XKR9: variants seen among roughly 807,000 people sequenced by gnomAD.
The protein encoded by XKR9 is XK related 9, also known as XK-related protein 9.
XKR9 carries 32 observed loss-of-function variants against 32.0 expected under a neutral mutation model. That is an observed-to-expected ratio of 1.00 (90% CI 0.76 to 1.34). XKR9 has a LOEUF of 1.34. Among genes scored for constraint, XKR9 ranks in the 40% most tolerant of loss-of-function variants. XKR9 has a pLI of 0.00. For missense variants in XKR9, 546 were observed against 429.7 expected (o/e 1.27, Z -2.39); for synonymous variants, 168 against 143.4 (o/e 1.17, Z -1.22).
chr8:71,010,674 A>C, the XKR9 span, among the ~76,000 whole-genome samples: 1 of 152,184 alleles, frequency 6.6e-6, no homozygotes, highest in Non-Finnish European at 1.5e-5. Flanking sequence ...GGGGATTGCA[A>C]AGTGGGGGCC....
chr8:70,729,792 A>G (rs1468411006), intron 4 of XKR9, among the ~76,000 whole-genome samples: 2 of 152,166 alleles, frequency 1.3e-5, no homozygotes, highest in Non-Finnish European at 1.5e-5. Context: ...CCTATAACAC[A>G]TTTACACAAA....
chr8:70,745,910 C>G (rs1040813450), intron 2 of XKR9, among the ~76,000 whole-genome samples: 1 of 152,124 alleles, frequency 6.6e-6, no homozygotes, highest in African/African-American at 2.4e-5. Context: ...CTGGCTGATG[C>G]CCCACTTAAT....
At chr8:70,811,992 A>T in the XKR9 span, among the ~76,000 whole-genome samples, 2 of 152,122 alleles carry the variant, frequency 1.3e-5, no homozygotes, top group Non-Finnish European at 2.9e-5. Context: ...CAACCAAAAA[A>T]GAGAATTTTA....
intron 2 of XKR9, among the ~76,000 whole-genome samples, chr8:70,741,965 G>GTT (rs71264520): frequency 4.1e-5 from 6 of 146,498 alleles, no homozygotes; most frequent in African/African-American, 1.5e-4. Flanking sequence ...GTTGTATTCT[G>GTT]TTTTTTTTTT....
Position 70,734,917 on chromosome 8 carries a change from C to T in XKR9, c.*493C>T, listed in dbSNP as rs1806815398. On this transcript the variant is annotated 3_prime_UTR_variant, in exon 5 of 5. Transcript: ENST00000408926. The stretch of plus-strand genomic sequence containing the variant: ...TTTTAGCATCTGCTGTGCTTTCATC[C>T]ATGAAATCTCCAATTCAGTAAGTGC... The T allele has an allele frequency of 6.6e-6, 1 of 152,238 alleles. No individual in the cohort carries two copies. Among genetic ancestry groups the T allele is most frequent in the Admixed American group, 6.6e-5 (1 of 15,260 alleles). 9.4% of individuals were successfully genotyped at this position (152,238 alleles called of 1,614,324 possible). A position where few individuals can be genotyped will look rare whatever the true frequency, so the allele number is the denominator to read the frequency against.
At chr8:70,755,953 G>T (rs1355025613) in intron 2 of XKR9, among the ~76,000 whole-genome samples, 2 of 151,928 alleles carry the variant, frequency 1.3e-5, no homozygotes, top group Admixed American at 6.6e-5. Context: ...ATTCAAAAAG[G>T]TCATAAAGAT....
chr8:71,050,746 G>A, the XKR9 span, among the ~76,000 whole-genome samples: 1 of 152,076 alleles, frequency 6.6e-6, no homozygotes, highest in Non-Finnish European at 1.5e-5. Flanking sequence ...ACCTCAAAGC[G>A]TAGTAAATGA....
At chr8:71,062,808 C>T in the XKR9 span, among the ~76,000 whole-genome samples, 24 of 151,620 alleles carry the variant, frequency 1.6e-4, no homozygotes, top group African/African-American at 4.4e-4. Context: ...TTTCTAATAC[C>T]TTTTTTAAGA....
chr8:71,017,356 C>T, the XKR9 span, among the ~76,000 whole-genome samples: 15 of 152,258 alleles, frequency 9.9e-5, no homozygotes, highest in African/African-American at 3.1e-4. Context: ...ATTACACTTG[C>T]TATGACGTTC....
At chr8:70,728,089 T>A (rs536371846) in intron 4 of XKR9, among the ~76,000 whole-genome samples, 5 of 152,140 alleles carry the variant, frequency 3.3e-5, no homozygotes, top group Non-Finnish European at 7.4e-5. Flanking sequence ...TTTTTTAAAC[T>A]AGAAACTAGA....
chr8:70,791,134 A>G (rs891936747), downstream of XKR9, among the ~76,000 whole-genome samples: 1 of 152,098 alleles, frequency 6.6e-6, no homozygotes, highest in Non-Finnish European at 1.5e-5. Flanking sequence ...AAGGGATTTT[A>G]TTGATTCTGT....
chr8:70,684,976 C>T lies in XKR9; in HGVS notation c.272+3646C>T, dbSNP rs554449331. Among the ~76,000 whole-genome samples, 102 of 145,582 alleles carry T rather than the reference C, an allele frequency of 7.0e-4. 1 individual carries two copies. Among genetic ancestry groups the T allele is most frequent in the Non-Finnish European group, 1.3e-3 (89 of 66,108 alleles). On this transcript the variant is annotated intron_variant, in intron 3 of 4. Coordinates refer to ENST00000408926, the MANE Select transcript of XKR9 (RefSeq NM_001011720.2). ...TCTAGAACTAGAAATACCATTTGAC[C>T]CAGCCATCCCATTACTGGGTATATA... is the stretch of plus-strand genomic sequence containing the variant.
the XKR9 span, among the ~76,000 whole-genome samples, chr8:71,042,319 G>A: frequency 6.6e-6 from 1 of 152,110 alleles, no homozygotes; most frequent in African/African-American, 2.4e-5. Context: ...AGTTGCCAGG[G>A]CCTCTCAGAG....
At chr8:70,890,069 G>A in the XKR9 span, among the ~76,000 whole-genome samples, 3 of 151,808 alleles carry the variant, frequency 2.0e-5, no homozygotes, top group Admixed American at 2.0e-4. Context: ...TTTTTCTGAA[G>A]CCTCACCAGT....
chr8:71,001,264 A>ATTAT, the XKR9 span, among the ~76,000 whole-genome samples: 2 of 151,998 alleles, frequency 1.3e-5, no homozygotes, highest in African/African-American at 4.8e-5. Context: ...CTTTTTATTT[A>ATTAT]TTATTTATTT....
the XKR9 span, among the ~76,000 whole-genome samples, chr8:70,956,310 G>T: frequency 6.6e-6 from 1 of 152,098 alleles, no homozygotes; most frequent in Admixed American, 6.5e-5. Flanking sequence ...GCTCATCTTA[G>T]TCACCTCAGT....
the XKR9 span, among the ~76,000 whole-genome samples, chr8:71,064,896 G>A: frequency 2.6e-4 from 39 of 152,234 alleles, no homozygotes; most frequent in African/African-American, 9.1e-4. Context: ...TATAAAGACA[G>A]CTATTAAATG....
chr8:70,768,752 CT>C (rs34429338), intron 2 of XKR9, among the ~76,000 whole-genome samples: 17,134 of 144,036 alleles, frequency 0.12, 1,163 homozygotes, highest in African/African-American at 0.21. Context: ...GAAACCCCTG[CT>C]TTTTTTTTTT....
At chr8:71,049,464 G>A in the XKR9 span, among the ~76,000 whole-genome samples, 1 of 152,192 alleles carries the variant, frequency 6.6e-6, no homozygotes, top group East Asian at 1.9e-4. Flanking sequence ...TGCAGCACCT[G>A]CCTTTGAGGA....
Sources: allele counts gnomAD v4.1 joint callset (sites outside exome capture counted in the v4.1 genomes callset), GRCh38; gene constraint gnomAD v4.1.1; transcripts MANE v1.5; gene names NCBI Gene and HGNC (gene_info 2026-07-23, HGNC 2026-07-21).